MVP: variants seen among roughly 807,000 people sequenced by gnomAD.
MVP encodes the protein major vault protein.
A neutral mutation model predicts 83.5 loss-of-function variants in MVP; 62 were observed. The ratio of observed to expected loss-of-function variants is 0.74; its 90% CI spans 0.61 to 0.92. The LOEUF (loss-of-function observed/expected upper bound fraction) is 0.92. Among genes scored for constraint, MVP ranks in the 40% least tolerant of loss-of-function variants. MVP has a pLI of 0.00. For missense variants in MVP, 1,000 were observed against 1,203.4 expected (o/e 0.83, Z 2.50); for synonymous variants, 505 against 504.1 (o/e 1.00, Z -0.02).
chr16:29,847,587 C>T (rs1424928940), intron 14 of MVP, among the ~76,000 whole-genome samples, 175 bp from the exon 15 acceptor site: 3 of 152,096 alleles, frequency 2.0e-5, no homozygotes, highest in Non-Finnish European at 4.4e-5. Flanking sequence ...GCCAGAGCTC[C>T]GGAGGAGACA....
intron 11 of MVP, 135 bp from the exon 12 acceptor site, chr16:29,845,728 G>A (rs566637508): frequency 2.9e-5 from 19 of 661,166 alleles, no homozygotes; most frequent in Non-Finnish European, 4.9e-5. Flanking sequence ...ATTCTGGGTT[G>A]AGTTGCGTAT....
At position 29,844,844 on chromosome 16, in the gene MVP, C is replaced by G. The variant is rs765565745; in HGVS notation, c.1986C>G (p.Ile662Met). 2 of 1,605,368 alleles carry G rather than the reference C, an allele frequency of 1.2e-6. No homozygotes were observed. The highest frequency in any genetic ancestry group is 2.2e-5 in the South Asian group (2 of 91,028). Reference protein sequence around the residue: ...DALQRSVQLAIEITTNSQEAA... With the variant: ...DALQRSVQLAMEITTNSQEAA... Reference sequence around the variant, plus strand: ...TGCAACGCAGCGTCCAGCTGGCCATCGAGATCACCACCAACTCCCAGGAAG... The same window carrying G: ...TGCAACGCAGCGTCCAGCTGGCCATGGAGATCACCACCAACTCCCAGGAAG... The change falls in exon 11 of 15, where the codon ATC (isoleucine) becomes ATG (methionine). Residue 662 changes from isoleucine to methionine, a missense_variant. Coordinates refer to ENST00000357402, the MANE Select transcript of MVP (RefSeq NM_005115.5).
intron 1 of MVP, chr16:29,830,249 A>G: frequency 3.6e-6 from 1 of 277,504 alleles, no homozygotes; most frequent in South Asian, 4.3e-5. Flanking sequence ...GATGGGAGTG[A>G]GGGAAAGGAA....
At chr16:29,833,298 CCTT>C (rs1426148635) in intron 3 of MVP, 1 of 163,420 alleles carries the variant, frequency 6.1e-6, no homozygotes, top group African/African-American at 2.4e-5. Flanking sequence ...TCTAACTTCT[CCTT>C]CATCTGAACT....
intron 7 of MVP, among the ~76,000 whole-genome samples, chr16:29,839,648 G>A (rs2067516634): frequency 6.6e-6 from 1 of 151,882 alleles, no homozygotes; most frequent in Non-Finnish European, 1.5e-5. Flanking sequence ...GCTGGGTGTG[G>A]TGATGCGCAT....
Position 29,845,012 on chromosome 16 carries a change from A to G in MVP, c.2021+133A>G, listed in dbSNP as rs140025249. ...CAAAGATCTATTCCCTACCCAACAGATCAGGTGACCCACTTAAAATGTGAA... is the reference window on the plus strand; with the variant it reads ...CAAAGATCTATTCCCTACCCAACAGGTCAGGTGACCCACTTAAAATGTGAA... On this transcript the variant is annotated intron_variant, in intron 11 of 14. Transcript: ENST00000357402. 3.8e-3 allele frequency: 4,741 copies of G among 1,240,328 alleles called. 21 individuals are homozygous for G. The highest frequency in any genetic ancestry group is 4.2e-3 in the Non-Finnish European group (3,807 of 913,616). 76.8% of individuals were successfully genotyped at this position (1,240,328 alleles called of 1,614,324 possible). A position where few individuals can be genotyped will look rare whatever the true frequency, so the allele number is the denominator to read the frequency against.
chr16:29,827,712 G>A (rs925541345), intron 1 of MVP, among the ~76,000 whole-genome samples: 1 of 152,084 alleles, frequency 6.6e-6, no homozygotes, highest in Non-Finnish European at 1.5e-5. Context: ...CCAGGAGTTC[G>A]AGACCAGCCT....
rs1321459764 is a variant in MVP at position 29,848,004 on chromosome 16, A to G, written c.*15A>G. 3 of 1,600,720 alleles carry G rather than the reference A, an allele frequency of 1.9e-6. No individual in the cohort carries two copies. Among genetic ancestry groups the G allele is most frequent in the Non-Finnish European group, 8.5e-7 (1 of 1,174,548 alleles). ...TACTGCGCTAACTCCTGATTAATAC[A>G]ATGGAAGTTTCTGGGCATTTACAAT... On this transcript the variant is annotated 3_prime_UTR_variant, in exon 15 of 15. Coordinates refer to ENST00000357402, the MANE Select transcript of MVP (RefSeq NM_005115.5).
At chr16:29,833,343 C>A in intron 3 of MVP, 1 of 189,230 alleles carries the variant, frequency 5.3e-6, no homozygotes, top group Non-Finnish European at 1.1e-5. Context: ...GCTGCCCAGG[C>A]TGAAGTGCAG....
At chr16:29,830,417 G>T (rs2067432226) in intron 1 of MVP, 98 bp from the exon 2 acceptor site, 2 of 1,035,932 alleles carry the variant, frequency 1.9e-6, no homozygotes, top group Non-Finnish European at 2.9e-6. Flanking sequence ...GGCTGGAGGA[G>T]GTAGGGCCGT....
At position 29,844,710 on chromosome 16, in the gene MVP, G is replaced by A; in HGVS notation, c.1852G>A (p.Ala618Thr). The A allele has an allele frequency of 6.2e-7, 1 of 1,613,830 alleles. No individual in the cohort carries two copies. The highest frequency in any genetic ancestry group is 1.3e-5 in the African/African-American group (1 of 75,068). The change falls in exon 11 of 15, where the codon GCC becomes ACC. Residue 618 changes from alanine to threonine, a missense_variant. Ala to Thr is a moderately conservative substitution (Grantham distance 58, BLOSUM62 0). Coordinates refer to ENST00000357402, the MANE Select transcript of MVP (RefSeq NM_005115.5). ...GGAAGCGAAGGGCCCCGATGGCATG[G>A]CCCTGCCCAGGCCCCGGGACCAGGC... ...TSEAKGPDGMALPRPRDQAVF... is the reference protein window; with the variant it reads ...TSEAKGPDGMTLPRPRDQAVF...
intron 1 of MVP, among the ~76,000 whole-genome samples, chr16:29,826,781 G>T (rs1257104672): frequency 2.6e-5 from 4 of 151,960 alleles, no homozygotes; most frequent in Non-Finnish European, 5.9e-5. Flanking sequence ...CAAAAAGTTA[G>T]CTGGGCATGG....
At chr16:29,840,944 A>T (rs1233862191) in intron 8 of MVP, among the ~76,000 whole-genome samples, 1 of 152,002 alleles carries the variant, frequency 6.6e-6, no homozygotes, top group Non-Finnish European at 1.5e-5. Flanking sequence ...GTCAAAAAAA[A>T]ATATTAGCAT....
intron 5 of MVP, 143 bp from the exon 6 acceptor site, chr16:29,835,561 C>T (rs770269648): frequency 1.7e-5 from 9 of 531,672 alleles, no homozygotes; most frequent in South Asian, 6.1e-5. Flanking sequence ...ATAAGAGGAC[C>T]GCAGTCAGGA....
chr16:29,827,193 G>A (rs1437499679), intron 1 of MVP, among the ~76,000 whole-genome samples: 2 of 152,138 alleles, frequency 1.3e-5, no homozygotes, highest in African/African-American at 2.4e-5. Flanking sequence ...TACAAGCGAA[G>A]GGAAAGTAAC....
At position 29,833,969 on chromosome 16, in the gene MVP, G is replaced by A. The variant is rs1460214933; in HGVS notation, c.480G>A (p.Val160=). ...TCCCCCGGAAGGAAGTGGAGGTCGT[G>A]GAGATCATTCAGGCCACCATCATCA... is the stretch of plus-strand genomic sequence containing the variant. The part of the protein sequence containing the change: ...TYIPRKEVEV[V]EIIQATIIRQ... The change falls in exon 5 of 15, where the codon GTG becomes GTA. Residue 160 remains valine (V), a synonymous_variant. Transcript: ENST00000357402. 5.6e-6 allele frequency: 9 copies of A among 1,614,120 alleles called. No homozygotes were observed. Among genetic ancestry groups the A allele is most frequent in the East Asian group, 4.5e-5 (2 of 44,880 alleles).
Position 29,847,954 on chromosome 16 carries a change from C to T in MVP, c.2647C>T (p.Pro883Ser). 1 of 1,610,194 alleles carries T rather than the reference C, an allele frequency of 6.2e-7. No homozygotes were observed. Among genetic ancestry groups the T allele is most frequent in the Non-Finnish European group, 8.5e-7 (1 of 1,178,948 alleles). ...SPQSAQAPQA[P>S]GDNHVVPVLR ...CCAGTCTGCTCAGGCCCCTCAAGCTCCTGGAGACAACCACGTGGTGCCTGT... is the reference window on the plus strand; with the variant it reads ...CCAGTCTGCTCAGGCCCCTCAAGCTTCTGGAGACAACCACGTGGTGCCTGT... Residue 883 changes from proline to serine, a missense_variant, in exon 15 of 15, where the codon CCT (proline) becomes TCT (serine). Transcript: ENST00000357402.
rs896336461 is a variant in MVP at position 29,840,525 on chromosome 16, G to C, written c.1191+66G>C. On this transcript the variant is annotated intron_variant, in intron 8 of 14. Coordinates refer to ENST00000357402, the MANE Select transcript of MVP (RefSeq NM_005115.5). The stretch of plus-strand genomic sequence containing the variant: ...TGGCCTTGGTGGCGGCTTCCTCTGG[G>C]TGTGTGGAAGAGGTGGGCAGGGACT... 18 of 1,501,138 alleles carry C rather than the reference G, an allele frequency of 1.2e-5. No individual in the cohort carries two copies. The East Asian group carries it at 2.5e-4, about 21-fold the overall frequency. The allele number at this position is 1,501,138 out of a possible 1,614,324, so 93.0% of individuals were successfully genotyped here. A position where few individuals can be genotyped will look rare whatever the true frequency, so the allele number is the denominator to read the frequency against.
At chr16:29,825,237 C>T (rs112017496) in intron 1 of MVP, among the ~76,000 whole-genome samples, 280 of 152,248 alleles carry the variant, frequency 1.8e-3, no homozygotes, top group African/African-American at 4.3e-3. Flanking sequence ...CACTGAGAGC[C>T]GACTAGGGCA....
Sources: gnomAD v4.1 joint callset for allele counts (sites outside exome capture counted in the v4.1 genomes callset) on GRCh38, gnomAD v4.1.1 for gene constraint, MANE v1.5 for transcripts, NCBI Gene and HGNC (gene_info 2026-07-23, HGNC 2026-07-21) for gene names.